Variants in HDC observed in about 807,000 individuals in gnomAD.
HDC encodes the protein histidine decarboxylase.
HDC carries 27 observed loss-of-function variants against 64.4 expected under a neutral mutation model. The ratio of observed to expected loss-of-function variants is 0.42; its 90% CI spans 0.31 to 0.58. The LOEUF (loss-of-function observed/expected upper bound fraction) is 0.58. HDC is among the 20% of genes least tolerant of loss of function. The probability of loss-of-function intolerance (pLI) is 0.16; values close to 1 mark genes in which losing one functional copy is unlikely to be tolerated. For missense variants in HDC, 711 were observed against 833.9 expected, an observed-to-expected ratio of 0.85 and a Z score of 1.81; for synonymous variants, 305 against 314.2, an observed-to-expected ratio of 0.97 and a Z score of 0.31.
rs375761415 is a variant in HDC, at chr15:50,248,275, C to G, written c.1110G>C (p.Gly370=). Residue 370 remains glycine, a synonymous_variant, in exon 10 of 12, where the codon GGG becomes GGC. Coordinates refer to ENST00000267845, the MANE Select transcript of HDC (RefSeq NM_002112.4). The surrounding 1 kb of genome is among the most constrained non-coding windows in gnomAD (Gnocchi z 4.3). ...TGACATGTGCTTGAAGATTCTTCAC[C>G]CCGAAGGACCGAATCACGAACCAGA... ...VKLWFVIRSF[G]VKNLQAHVRH... is the part of the protein sequence containing the mutation. 26 of 1,613,786 alleles carry G rather than the reference C, an allele frequency of 1.6e-5. No homozygotes were observed. The highest frequency in any genetic ancestry group is 2.2e-5 in the Non-Finnish European group (26 of 1,179,766).
Position 50,265,443 on chromosome 15 carries a change from G to T in HDC, c.31+150C>A, listed in dbSNP as rs891683540. The T allele has an allele frequency of 4.1e-6, 3 of 732,470 alleles. No homozygotes were observed. In the Admixed American group the frequency reaches 6.3e-5, roughly 15 times the overall value. 45.4% of individuals were successfully genotyped at this position (732,470 alleles called of 1,614,324 possible). Reference sequence around the variant, plus strand: ...TACACTCTGATCCCACATTCCTTTCGCAGAAAAAAAAATGTTGCTGGTGCC... The same window carrying T: ...TACACTCTGATCCCACATTCCTTTCTCAGAAAAAAAAATGTTGCTGGTGCC... On this transcript the variant is annotated intron_variant, in intron 1 of 11. Coordinates refer to ENST00000267845, the MANE Select transcript of HDC (RefSeq NM_002112.4).
In HDC at chr15:50,248,242, T is replaced by A; in HGVS notation, c.1140+3A>T. ...TCAGCCCCCACAGCAGCATGCTACA[T>A]ACATGTCTGACATGTGCTTGAAGAT... On this transcript the variant is annotated splice_donor_region_variant and intron_variant, in intron 10 of 11. Coordinates refer to ENST00000267845, the MANE Select transcript of HDC (RefSeq NM_002112.4). The surrounding 1 kb of genome is among the most constrained non-coding windows in gnomAD (Gnocchi z 4.3). 6.3e-7 allele frequency: 1 copy of A among 1,590,912 alleles called. No homozygotes were observed. Among genetic ancestry groups the A allele is most frequent in the Non-Finnish European group, 8.6e-7 (1 of 1,158,770 alleles).
chr15:50,262,149 G>C (rs1173792100), intron 2 of HDC, among the ~76,000 whole-genome samples: 2 of 152,042 alleles, frequency 1.3e-5, no homozygotes, highest in Non-Finnish European at 2.9e-5. Context: ...CTTGTGTGGG[G>C]GTGTGGAGCC....
chr15:50,253,109 C>T lies in HDC; in HGVS notation c.788-335G>A, dbSNP rs948087947. The T allele has an allele frequency of 9.4e-6, 4 of 427,312 alleles. No homozygotes were observed. In the East Asian group the frequency reaches 1.9e-4, roughly 21 times the overall value. 26.5% of individuals were successfully genotyped at this position (427,312 alleles called of 1,614,324 possible). A position where few individuals can be genotyped will look rare whatever the true frequency, so the allele number is the denominator to read the frequency against. On this transcript the variant is annotated intron_variant, in intron 7 of 11. Transcript: ENST00000267845. ...GAGAGCAATGTCAGTGCACCGAATA[C>T]AAAAGTTAGAGGGAAGGTATCTCTC...
intron 7 of HDC, chr15:50,253,038 T>C: frequency 1.9e-6 from 1 of 538,222 alleles, no homozygotes; most frequent in Non-Finnish European, 3.4e-6. Flanking sequence ...CCTCTTGGCC[T>C]CAGCCTAGAA....
At chr15:50,258,772 A>C (rs1242626153) in intron 2 of HDC, among the ~76,000 whole-genome samples, 1 of 152,188 alleles carries the variant, frequency 6.6e-6, no homozygotes, top group Non-Finnish European at 1.5e-5. Context: ...AATATGCAAA[A>C]GGAAAATCAC....
intron 4 of HDC, among the ~76,000 whole-genome samples, chr15:50,256,140 G>T (rs1018133406): frequency 1.3e-5 from 2 of 152,238 alleles, no homozygotes; most frequent in Non-Finnish European, 2.9e-5. Flanking sequence ...CTATTCACCT[G>T]CAGGGTTCCT....
intron 2 of HDC, among the ~76,000 whole-genome samples, chr15:50,260,451 GT>G (rs1041679988): frequency 2.0e-5 from 3 of 152,158 alleles, no homozygotes; most frequent in African/African-American, 7.2e-5. Context: ...GTCTCCTAGG[GT>G]TGTTGTGTGG....
In HDC at chr15:50,252,773, A is replaced by C. The variant is rs1177786838; in HGVS notation, c.789T>G (p.Cys263Trp). 1.2e-6 allele frequency: 2 copies of C among 1,612,208 alleles called. No individual in the cohort carries two copies. Among genetic ancestry groups the C allele is most frequent in the Non-Finnish European group, 1.7e-6 (2 of 1,179,278 alleles). ...FDCLSELGPICAREGLWLHID... is the reference protein window; with the variant it reads ...FDCLSELGPIWAREGLWLHID... Reference sequence around the variant, plus strand: ...TGTGGAGCCACAGCCCCTCACGGGCACCTGAGGAGGCAAACATCACCTGGC... The same window carrying C: ...TGTGGAGCCACAGCCCCTCACGGGCCCCTGAGGAGGCAAACATCACCTGGC... The change falls in exon 8 of 12, where the codon TGT becomes TGG. Residue 263 changes from cysteine (C) to tryptophan (W), a missense_variant and splice_region_variant. Coordinates refer to ENST00000267845, the MANE Select transcript of HDC (RefSeq NM_002112.4).
Position 50,242,632 on chromosome 15 carries a change from G to A in HDC, c.1617C>T (p.Gly539=). The change falls in exon 12 of 12, where the codon GGC becomes GGT. Residue 539 remains glycine (G), a synonymous_variant. Coordinates refer to ENST00000267845, the MANE Select transcript of HDC (RefSeq NM_002112.4). ...VGAGPMKREN[G]LHLETLLDPV... ...GGTCCAGCAGGGTTTCAAGATGGAG[G>A]CCATTTTCCCTTTTCATGGGACCGG... 6.2e-7 allele frequency: 1 copy of A among 1,614,170 alleles called. No homozygotes were observed. The highest frequency in any genetic ancestry group is 1.1e-5 in the South Asian group (1 of 91,080).
chr15:50,259,669 A>C (rs945778458), intron 2 of HDC, among the ~76,000 whole-genome samples: 1 of 152,124 alleles, frequency 6.6e-6, no homozygotes, highest in Admixed American at 6.5e-5. Flanking sequence ...AAAGCTACTA[A>C]ATATTCATTT....
At chr15:50,263,582 A>G (rs1197685181) in intron 1 of HDC, among the ~76,000 whole-genome samples, 175 bp from the exon 2 acceptor site, 1 of 152,116 alleles carries the variant, frequency 6.6e-6, no homozygotes, top group African/African-American at 2.4e-5. Flanking sequence ...CAGGCGGATC[A>G]CGAGGTCAGG....
chr15:50,254,318 T>C (rs1246050209), intron 5 of HDC, 45 bp from the exon 6 acceptor site: 4 of 1,611,322 alleles, frequency 2.5e-6, no homozygotes, highest in Non-Finnish European at 2.5e-6. Flanking sequence ...CATCCTGGAA[T>C]GATCACCCCC....
intron 7 of HDC, chr15:50,253,104 G>A (rs1295939715): frequency 6.9e-6 from 3 of 433,334 alleles, no homozygotes; most frequent in Non-Finnish European, 1.3e-5. Context: ...TCAGTGCACC[G>A]AATACAAAAG....
Position 50,257,440 on chromosome 15 carries a change from G to A in HDC, c.426C>T (p.Gly142=), listed in dbSNP as rs376021557. 22 of 1,614,068 alleles carry A rather than the reference G, an allele frequency of 1.4e-5. No individual in the cohort carries two copies. The highest frequency in any genetic ancestry group is 2.2e-5 in the East Asian group (1 of 44,888). The change falls in exon 4 of 12, where the codon GGC becomes GGT. Residue 142 remains glycine (G), a synonymous_variant. Transcript: ENST00000267845. ...HFLHHHPSSQ[G]GGVLQSTVSE... is the part of the protein sequence containing the mutation. ...AGGGAGGTACCTGCAGGACGCCTCC[G>A]CCCTGGCTGCTGGGGTGGTGGTGCA...
chr15:50,246,562 G>T (rs920395409), intron 10 of HDC, among the ~76,000 whole-genome samples: 1 of 152,176 alleles, frequency 6.6e-6, no homozygotes, highest in East Asian at 1.9e-4. Context: ...AGGTCTGGAT[G>T]GGTCGATGAA....
At position 50,254,741 on chromosome 15, in the gene HDC, TC is replaced by T. The variant is rs1567452444; in HGVS notation, c.442-78del. 384 of 181,924 alleles carry T rather than the reference TC, an allele frequency of 2.1e-3. 1 individual carries two copies. The highest frequency in any genetic ancestry group is 0.012 in the East Asian group (78 of 6,606). The allele number at this position is 181,924 out of a possible 1,614,324, so 11.3% of individuals were successfully genotyped here. A position where few individuals can be genotyped will look rare whatever the true frequency, so the allele number is the denominator to read the frequency against. On this transcript the variant is annotated intron_variant, in intron 4 of 11. Transcript: ENST00000267845. ...TTTCCCCAGGCTTTCTAGTTTTTTC[TC>T]TCTCTCTCTCTCTCTCTCTCTCTCT...
At chr15:50,259,035 G>C (rs1002625709) in intron 2 of HDC, among the ~76,000 whole-genome samples, 1 of 152,098 alleles carries the variant, frequency 6.6e-6, no homozygotes. Flanking sequence ...GGTGGCAGAA[G>C]CCTGTAGTCC....
At position 50,257,439 on chromosome 15, in the gene HDC, C is replaced by T. The variant is rs1490650265; in HGVS notation, c.427G>A (p.Gly143Arg). Residue 143 changes from glycine (G) to arginine (R), a missense_variant, in exon 4 of 12, where the codon GGA (glycine) becomes AGA (arginine). Gly to Arg is a moderately radical substitution (Grantham distance 125). This residue lies in a region of HDC where 225 missense variants were observed against 276.2 expected (regional missense o/e 0.81). Transcript: ENST00000267845. The stretch of plus-strand genomic sequence containing the variant: ...AAGGGAGGTACCTGCAGGACGCCTC[C>T]GCCCTGGCTGCTGGGGTGGTGGTGC... Reference protein sequence around the residue: ...FLHHHPSSQGGGVLQSTVSES... With the variant: ...FLHHHPSSQGRGVLQSTVSES... The T allele has an allele frequency of 1.9e-6, 3 of 1,614,224 alleles. No individual in the cohort carries two copies. Among genetic ancestry groups the T allele is most frequent in the South Asian group, 1.1e-5 (1 of 91,088 alleles).
Sources: gnomAD v4.1 joint callset for allele counts (sites outside exome capture counted in the v4.1 genomes callset) on GRCh38, gnomAD v4.1.1 for gene constraint, gnomAD v4.1.1 regional missense constraint, Gnocchi (gnomAD v3.1) non-coding constraint, MANE v1.5 for transcripts, NCBI Gene and HGNC (gene_info 2026-07-23, HGNC 2026-07-21) for gene names.